The following NTM variants were observed in gnomAD, a reference collection of about 807,000 sequenced individuals.
The protein encoded by NTM is IgLON family member 2.
NTM carries 13 observed loss-of-function variants against 42.1 expected under a neutral mutation model. That is an observed-to-expected ratio of 0.31 (90% CI 0.20 to 0.49). NTM has a LOEUF of 0.49. NTM is among the 20% of genes least tolerant of loss of function. NTM has a pLI of 0.99. For missense variants in NTM, 373 were observed against 452.8 expected (o/e 0.82, Z 1.60); for synonymous variants, 187 against 179.2 (o/e 1.04, Z -0.35).
At chr11:131,706,208 C>T (rs74456636) in intron 1 of NTM, among the ~76,000 whole-genome samples, 1,909 of 151,684 alleles carry the variant, frequency 0.013, 34 homozygotes, top group African/African-American at 0.042. Context: ...AAAAAATAGA[C>T]TTTAAGTCAA....
intron 2 of NTM, among the ~76,000 whole-genome samples, chr11:131,992,865 A>G (rs947770321): frequency 4.6e-5 from 7 of 152,146 alleles, no homozygotes; most frequent in African/African-American, 1.7e-4. Flanking sequence ...TGCATTGGAA[A>G]TACCCAGAGA....
At chr11:132,235,526 G>T (rs1479368477) in intron 4 of NTM, among the ~76,000 whole-genome samples, 1 of 152,146 alleles carries the variant, frequency 6.6e-6, no homozygotes, top group Non-Finnish European at 1.5e-5. Flanking sequence ...CTATAAAAAG[G>T]AAGTTCTATT....
intron 2 of NTM, among the ~76,000 whole-genome samples, chr11:132,125,285 TTGTG>T (rs57511761): frequency 1.7e-4 from 26 of 149,358 alleles, no homozygotes; most frequent in Admixed American, 4.6e-4. Flanking sequence ...TGGTGTGTGT[TTGTG>T]TGTGTGTGTG....
intron 1 of NTM, among the ~76,000 whole-genome samples, chr11:131,704,368 A>G (rs2076373104): frequency 6.6e-6 from 1 of 152,156 alleles, no homozygotes; most frequent in South Asian, 2.1e-4. Context: ...TTCCAGGCTC[A>G]TTCATCCACT....
In NTM at chr11:132,162,220, T is replaced by C. The variant is rs537512550; in HGVS notation, c.400+15706T>C. Among the ~76,000 whole-genome samples, 94 of 150,734 alleles carry C rather than the reference T, an allele frequency of 6.2e-4. 1 individual carries two copies. The South Asian group carries it at 0.02, about 31-fold the overall frequency. On this transcript the variant is annotated intron_variant, in intron 3 of 8. Transcript: ENST00000683400. The stretch of plus-strand genomic sequence containing the variant: ...ATGTGGGGGAAGATGTGTATGTGTT[T>C]GTGTGTTTATGGGGAGTGTGTATGT...
At chr11:131,998,563 A>G (rs2068555848) in intron 2 of NTM, among the ~76,000 whole-genome samples, 2 of 152,098 alleles carry the variant, frequency 1.3e-5, no homozygotes, top group South Asian at 4.2e-4. Flanking sequence ...TTAAATTTCC[A>G]AAAACCTGAT....
At chr11:131,610,110 C>A (rs79513316) in intron 1 of NTM, among the ~76,000 whole-genome samples, 177 of 152,290 alleles carry the variant, frequency 1.2e-3, no homozygotes, top group African/African-American at 3.9e-3. Context: ...GGACACTTGC[C>A]AATGGCACCA....
intron 1 of NTM, among the ~76,000 whole-genome samples, chr11:131,605,033 G>C (rs2137464903): frequency 6.6e-6 from 1 of 151,448 alleles, no homozygotes; most frequent in African/African-American, 2.4e-5. Context: ...CAAAACTATT[G>C]TGTCTATTGT....
At chr11:131,601,973 C>A (rs1239252324) in intron 1 of NTM, among the ~76,000 whole-genome samples, 1 of 152,080 alleles carries the variant, frequency 6.6e-6, no homozygotes, top group Non-Finnish European at 1.5e-5. Flanking sequence ...GTTCAAAACA[C>A]AGGAAATAAG....
intron 2 of NTM, among the ~76,000 whole-genome samples, chr11:132,139,499 G>A (rs1419986618): frequency 6.6e-6 from 1 of 152,228 alleles, no homozygotes; most frequent in Non-Finnish European, 1.5e-5. Context: ...AACAGAGTTT[G>A]TTTTGAGAGG....
intron 3 of NTM, among the ~76,000 whole-genome samples, chr11:132,174,519 C>T (rs1457578624): frequency 6.6e-6 from 1 of 152,146 alleles, no homozygotes; most frequent in East Asian, 1.9e-4. Flanking sequence ...GGGTGAGGAG[C>T]GGACTATGAT....
At chr11:132,121,635 A>G (rs1473584621) in intron 2 of NTM, among the ~76,000 whole-genome samples, 1 of 152,120 alleles carries the variant, frequency 6.6e-6, no homozygotes, top group East Asian at 1.9e-4. Flanking sequence ...AGAACCTTTA[A>G]TTCTCATTTT....
intron 1 of NTM, among the ~76,000 whole-genome samples, chr11:131,516,536 C>A (rs2048916870): frequency 6.6e-6 from 1 of 152,130 alleles, no homozygotes; most frequent in African/African-American, 2.4e-5. Context: ...TACCACCATG[C>A]CCAGCTAATT....
rs566385820 is a variant in NTM at position 132,155,096 on chromosome 11, C to A, written c.400+8582C>A. Among the ~76,000 whole-genome samples the A allele has an allele frequency of 8.5e-5, 13 of 152,226 alleles. No homozygotes were observed. The East Asian group carries it at 2.5e-3, about 29-fold the overall frequency. On this transcript the variant is annotated intron_variant, in intron 3 of 8. Transcript: ENST00000683400. Reference sequence around the variant, plus strand: ...CTTTCTACTGTGATTAATTGGGAGTCTGCACAATGAACCCGGTGTTGGCTC... The same window carrying A: ...CTTTCTACTGTGATTAATTGGGAGTATGCACAATGAACCCGGTGTTGGCTC...
At chr11:131,403,200 T>C (rs1361630869) in intron 1 of NTM, among the ~76,000 whole-genome samples, 1 of 152,202 alleles carries the variant, frequency 6.6e-6, no homozygotes, top group African/African-American at 2.4e-5. Flanking sequence ...GTGTCCCTAG[T>C]AGTGACCATG....
At chr11:131,460,944 A>G (rs914984024) in intron 1 of NTM, among the ~76,000 whole-genome samples, 2 of 152,236 alleles carry the variant, frequency 1.3e-5, no homozygotes, top group Non-Finnish European at 2.9e-5. Context: ...AGAAAGTTGA[A>G]CAAGGTGACC....
At chr11:131,411,106 T>A (rs1343770017) in intron 1 of NTM, among the ~76,000 whole-genome samples, 3 of 152,162 alleles carry the variant, frequency 2.0e-5, no homozygotes, top group African/African-American at 7.2e-5. Context: ...ACCTGGCAAA[T>A]CCCTCCTCGA....
chr11:132,101,556 T>TTGTG (rs979774841), intron 2 of NTM, among the ~76,000 whole-genome samples: 1 of 131,048 alleles, frequency 7.6e-6, no homozygotes, highest in Non-Finnish European at 1.7e-5. Flanking sequence ...GAACACAACC[T>TTGTG]TGTGTGTGTG....
intron 1 of NTM, among the ~76,000 whole-genome samples, chr11:131,449,224 T>G (rs1950292385): frequency 6.6e-6 from 1 of 152,080 alleles, no homozygotes; most frequent in Non-Finnish European, 1.5e-5. Context: ...TGCATGAGAT[T>G]AGCAACACAG....
Sources: allele counts gnomAD v4.1 joint callset (sites outside exome capture counted in the v4.1 genomes callset), GRCh38; gene constraint gnomAD v4.1.1; transcripts MANE v1.5; gene names NCBI Gene and HGNC (gene_info 2026-07-23, HGNC 2026-07-21).